The following ST8SIA2 variants were observed in gnomAD, a reference collection of about 807,000 sequenced individuals.
ST8SIA2 encodes the protein ST8 alpha-N-acetyl-neuraminide alpha-2,8-sialyltransferase 2.
In ST8SIA2, 22 loss-of-function variants were observed where a neutral mutation model predicts 37.6. That is an observed-to-expected ratio of 0.58 (90% CI 0.42 to 0.83). The LOEUF is 0.83. ST8SIA2 is among the 40% of genes least tolerant of loss of function. The pLI, the probability that ST8SIA2 is intolerant of heterozygous loss-of-function variation, is 0.00. For synonymous variants in ST8SIA2, 205 were observed against 201.2 expected (o/e 1.02, Z -0.16); for missense variants, 382 against 484.7 (o/e 0.79, Z 1.99).
chr15:92,395,272 C>T (rs1350346920), intron 1 of ST8SIA2, among the ~76,000 whole-genome samples: 1 of 152,232 alleles, frequency 6.6e-6, no homozygotes, highest in African/African-American at 2.4e-5. Flanking sequence ...GCGCTCTTCT[C>T]GAGTCCCGCG....
chr15:92,461,624 G>A (rs984769384), intron 5 of ST8SIA2, among the ~76,000 whole-genome samples: 2 of 152,206 alleles, frequency 1.3e-5, no homozygotes, highest in African/African-American at 2.4e-5. Context: ...AGGAAATAGC[G>A]CAGTGCCATG....
At chr15:92,423,766 T>A (rs769133527) in intron 1 of ST8SIA2, among the ~76,000 whole-genome samples, 2 of 152,264 alleles carry the variant, frequency 1.3e-5, no homozygotes, top group Non-Finnish European at 2.9e-5. Flanking sequence ...CCTAACACTG[T>A]TGCATTGGAG....
At chr15:92,452,409 GC>G (rs1346089192) in intron 5 of ST8SIA2, among the ~76,000 whole-genome samples, 1 of 152,188 alleles carries the variant, frequency 6.6e-6, no homozygotes, top group Non-Finnish European at 1.5e-5. Context: ...GGGCAAACTT[GC>G]GGTCAGACCA....
intron 5 of ST8SIA2, chr15:92,445,133 T>A: frequency 1.4e-6 from 1 of 708,082 alleles, no homozygotes; most frequent in Non-Finnish European, 2.4e-6. Context: ...GGCATGCCAA[T>A]TTTGACCAAT....
chr15:92,424,321 G>A (rs888369696), intron 1 of ST8SIA2, among the ~76,000 whole-genome samples: 1 of 152,114 alleles, frequency 6.6e-6, no homozygotes, highest in Non-Finnish European at 1.5e-5. Flanking sequence ...TGGGCTTGGT[G>A]TATATATCAA....
Position 92,439,003 on chromosome 15 carries a change from A to G in ST8SIA2, c.548+393A>G, listed in dbSNP as rs369737918. 3.9e-5 allele frequency among the ~76,000 whole-genome samples: 6 copies of G among 152,292 alleles called. No individual in the cohort carries two copies. In the South Asian group the frequency reaches 1.2e-3, roughly 32 times the overall value. ...TATCATTGATGGCTGTTGTCTCACTACAAGGAGAGTGGAGTCACTGGGCAC... is the reference window on the plus strand; with the variant it reads ...TATCATTGATGGCTGTTGTCTCACTGCAAGGAGAGTGGAGTCACTGGGCAC... On this transcript the variant is annotated intron_variant, in intron 4 of 5. Transcript: ENST00000268164.
At chr15:92,407,483 C>T (rs1157219139) in intron 1 of ST8SIA2, among the ~76,000 whole-genome samples, 1 of 152,222 alleles carries the variant, frequency 6.6e-6, no homozygotes. Context: ...TCATTAAGCC[C>T]TCCAATGAGC....
intron 1 of ST8SIA2, among the ~76,000 whole-genome samples, chr15:92,411,809 G>A (rs1942050405): frequency 6.6e-6 from 1 of 152,286 alleles, no homozygotes; most frequent in Middle Eastern, 3.4e-3. Flanking sequence ...GAAGCCCTCT[G>A]GGGGAGATGG....
intron 1 of ST8SIA2, among the ~76,000 whole-genome samples, chr15:92,411,036 G>C (rs1168777472): frequency 6.6e-6 from 1 of 152,184 alleles, no homozygotes; most frequent in African/African-American, 2.4e-5. Context: ...GGAGGACAGA[G>C]GGCTTGGAGC....
chr15:92,465,978 G>A lies in ST8SIA2; in HGVS notation c.*1593G>A, dbSNP rs974459369. 2 of 152,188 alleles carry A rather than the reference G, an allele frequency of 1.3e-5. No homozygotes were observed. The allele number at this position is 152,188 out of a possible 1,614,324, so 9.4% of individuals were successfully genotyped here. On this transcript the variant is annotated 3_prime_UTR_variant, in exon 6 of 6. Coordinates refer to ENST00000268164, the MANE Select transcript of ST8SIA2 (RefSeq NM_006011.4). Reference sequence around the variant, plus strand: ...GTAAGTAAAAAACTACCATCTTGAAGGTGAAGGGAGTTAAGAAAAGTAATC... The same window carrying A: ...GTAAGTAAAAAACTACCATCTTGAAAGTGAAGGGAGTTAAGAAAAGTAATC...
intron 1 of ST8SIA2, among the ~76,000 whole-genome samples, chr15:92,404,026 C>T (rs577079158): frequency 6.6e-6 from 1 of 152,328 alleles, no homozygotes; most frequent in African/African-American, 2.4e-5. Context: ...CCAGTTAAGG[C>T]TCCACAGGCC....
intron 4 of ST8SIA2, among the ~76,000 whole-genome samples, chr15:92,443,168 C>A (rs927120152): frequency 6.6e-6 from 1 of 152,204 alleles, no homozygotes; most frequent in Non-Finnish European, 1.5e-5. Flanking sequence ...TTGATGATGA[C>A]CTGTGATCCC....
intron 1 of ST8SIA2, among the ~76,000 whole-genome samples, chr15:92,424,172 T>C (rs1318173922): frequency 2.0e-5 from 3 of 152,248 alleles, no homozygotes; most frequent in Non-Finnish European, 4.4e-5. Flanking sequence ...TTAAGTTGGC[T>C]CTAGACTCTT....
intron 2 of ST8SIA2, among the ~76,000 whole-genome samples, chr15:92,433,434 C>T (rs1301780939): frequency 6.6e-6 from 1 of 152,172 alleles, no homozygotes; most frequent in South Asian, 2.1e-4. Flanking sequence ...TTATAGAAAC[C>T]TACTAGCATA....
intron 1 of ST8SIA2, among the ~76,000 whole-genome samples, chr15:92,402,435 C>T (rs1012472955): frequency 1.3e-5 from 2 of 152,174 alleles, no homozygotes; most frequent in African/African-American, 4.8e-5. Context: ...AATAACACAG[C>T]TAGTAAGGTG....
At chr15:92,446,121 C>T (rs2049840635) in intron 5 of ST8SIA2, among the ~76,000 whole-genome samples, 1 of 152,166 alleles carries the variant, frequency 6.6e-6, no homozygotes, top group South Asian at 2.1e-4. Context: ...CTGAGAAGGG[C>T]TCACCTGGAT....
chr15:92,434,197 G>A (rs763784521), intron 2 of ST8SIA2, 50 bp from the exon 3 acceptor site: 7 of 1,611,576 alleles, frequency 4.3e-6, no homozygotes, highest in Middle Eastern at 1.7e-4. Flanking sequence ...ACTTGTCGTC[G>A]GCTTGCTAAC....
chr15:92,447,383 T>G (rs557343710), intron 5 of ST8SIA2, among the ~76,000 whole-genome samples: 1 of 152,190 alleles, frequency 6.6e-6, no homozygotes, highest in Non-Finnish European at 1.5e-5. Context: ...TTCTTGAGCA[T>G]ACGAAGTGTG....
intron 5 of ST8SIA2, among the ~76,000 whole-genome samples, chr15:92,450,959 G>C (rs2049877602): frequency 6.6e-6 from 1 of 152,178 alleles, no homozygotes. Flanking sequence ...CAGTGACCAG[G>C]GATCAGTATA....
Sources: allele counts gnomAD v4.1 joint callset (sites outside exome capture counted in the v4.1 genomes callset), GRCh38; gene constraint gnomAD v4.1.1; transcripts MANE v1.5; gene names NCBI Gene and HGNC (gene_info 2026-07-23, HGNC 2026-07-21).